The following SDK1 variants were observed in gnomAD, a reference collection of about 807,000 sequenced individuals.
SDK1 encodes the protein protein sidekick-1.
In SDK1, 157 loss-of-function variants were observed where a neutral mutation model predicts 245.5. The observed-to-expected ratio is 0.64, with a 90% confidence interval of 0.56 to 0.73. The LOEUF (loss-of-function observed/expected upper bound fraction) is 0.73. Among genes scored for constraint, SDK1 ranks in the 30% least tolerant of loss-of-function variants. The probability of loss-of-function intolerance (pLI) is 0.00; values close to 1 mark genes in which losing one functional copy is unlikely to be tolerated. For synonymous variants in SDK1, 1,647 were observed against 1,278.5 expected, an observed-to-expected ratio of 1.29 and a Z score of -6.15; for missense variants, 3,583 against 3,002.3, an observed-to-expected ratio of 1.19 and a Z score of -4.52.
intron 4 of SDK1, among the ~76,000 whole-genome samples, chr7:3,708,184 T>C (rs915837555): frequency 1.3e-5 from 2 of 152,098 alleles, no homozygotes; most frequent in Non-Finnish European, 2.9e-5. Context: ...CCACACACTT[T>C]AAAATGACCA....
chr7:4,213,620 C>T (rs1004586261), intron 38 of SDK1, among the ~76,000 whole-genome samples: 1 of 151,932 alleles, frequency 6.6e-6, no homozygotes, highest in African/African-American at 2.4e-5. Context: ...CCAGGCAAGG[C>T]CATTCCATGG....
intron 1 of SDK1, among the ~76,000 whole-genome samples, chr7:3,613,143 C>T (rs940180490): frequency 1.3e-4 from 20 of 152,182 alleles, no homozygotes; most frequent in Admixed American, 2.0e-4. Flanking sequence ...TCAGATGATA[C>T]GACTTAATTT....
intron 1 of SDK1, among the ~76,000 whole-genome samples, chr7:3,306,455 TA>T (rs1167538888): frequency 1.3e-5 from 2 of 152,228 alleles, no homozygotes; most frequent in Non-Finnish European, 1.5e-5. Context: ...AAAATTCTTT[TA>T]TCTGCACTGA....
chr7:3,695,993 C>T (rs186459230), intron 4 of SDK1, among the ~76,000 whole-genome samples: 114 of 152,100 alleles, frequency 7.5e-4, no homozygotes, highest in Admixed American at 3.9e-3. Flanking sequence ...TTTTGCTTTC[C>T]TCCCACCGTT....
At chr7:3,784,079 T>A (rs1040571556) in intron 4 of SDK1, among the ~76,000 whole-genome samples, 2 of 147,160 alleles carry the variant, frequency 1.4e-5, no homozygotes, top group South Asian at 4.2e-4. Context: ...TTCTTTTTTC[T>A]TTTCTTTGTT....
intron 1 of SDK1, among the ~76,000 whole-genome samples, chr7:3,552,284 A>G (rs531375764): frequency 8.6e-5 from 13 of 152,014 alleles, no homozygotes; most frequent in Non-Finnish European, 1.6e-4. Context: ...CTTGTGATCC[A>G]CCCGCCTTGG....
intron 1 of SDK1, among the ~76,000 whole-genome samples, chr7:3,472,614 T>G (rs2128598959): frequency 6.6e-6 from 1 of 152,358 alleles, no homozygotes; most frequent in Admixed American, 6.5e-5. Context: ...TGTCAAGGCC[T>G]GAAATACACA....
At chr7:4,067,813 A>G in intron 19 of SDK1, 25 bp from the exon 20 acceptor site, 1 of 1,580,254 alleles carries the variant, frequency 6.3e-7, no homozygotes, top group Non-Finnish European at 8.7e-7. Flanking sequence ...TTGTGTTAAC[A>G]GATGACTTTG....
intron 3 of SDK1, 96 bp downstream of exon 3, chr7:3,639,206 T>A (rs1782568382): frequency 1.6e-6 from 1 of 628,006 alleles, no homozygotes; most frequent in Non-Finnish European, 2.7e-6. Flanking sequence ...GAACTGAGAG[T>A]TTATCTTTGG....
chr7:3,611,947 G>A (rs1452586921), intron 1 of SDK1, among the ~76,000 whole-genome samples: 1 of 152,142 alleles, frequency 6.6e-6, no homozygotes, highest in South Asian at 2.1e-4. Context: ...GGCATTCACA[G>A]CTACCTGGCT....
chr7:4,175,872 C>T (rs562903137), intron 34 of SDK1, 38 bp downstream of exon 34: 151 of 1,574,854 alleles, frequency 9.6e-5, no homozygotes, highest in Middle Eastern at 5.0e-4. Context: ...TGCCGCGAGG[C>T]GCACACACTG....
intron 5 of SDK1, among the ~76,000 whole-genome samples, chr7:3,918,156 G>A (rs1055423588): frequency 2.6e-5 from 4 of 152,150 alleles, no homozygotes; most frequent in African/African-American, 9.7e-5. Flanking sequence ...GAATCTGGGG[G>A]TAGCATGGGC....
At chr7:3,309,524 A>ATTTTTTTTT (rs59762021) in intron 1 of SDK1, among the ~76,000 whole-genome samples, 3,307 of 127,168 alleles carry the variant, frequency 0.026, 89 homozygotes, top group Non-Finnish European at 0.041. Flanking sequence ...CTAGAAAAAG[A>ATTTTTTTTT]TTTTTTTTTT....
intron 4 of SDK1, among the ~76,000 whole-genome samples, chr7:3,774,535 A>G (rs144339870): frequency 2.9e-4 from 44 of 152,322 alleles, no homozygotes; most frequent in African/African-American, 9.6e-4. Context: ...TTAACTGAAA[A>G]TAACTTCAAT....
chr7:4,144,789 C>T (rs1056992013), intron 28 of SDK1, among the ~76,000 whole-genome samples: 1 of 152,204 alleles, frequency 6.6e-6, no homozygotes, highest in Non-Finnish European at 1.5e-5. Flanking sequence ...AGAGGCAGCA[C>T]TGATGAGACC....
Position 3,301,531 on chromosome 7 carries a change from G to GCCTGT in SDK1, c.-51_-47dup. ...GGCCGCGCCCGCTCGGAGCCGTCCCGCCTGTCCTGCCCGCCCGTCCGTCCG... is the reference window on the plus strand; with the variant it reads ...GGCCGCGCCCGCTCGGAGCCGTCCCGCCTGTCCTGTCCTGCCCGCCCGTCCGTCCG... On this transcript the variant is annotated 5_prime_UTR_variant, in exon 1 of 45. Coordinates refer to ENST00000404826, the MANE Select transcript of SDK1 (RefSeq NM_152744.4). The GCCTGT allele has an allele frequency of 1.6e-6, 1 of 641,576 alleles. No individual in the cohort carries two copies. Among genetic ancestry groups the GCCTGT allele is most frequent in the South Asian group, 6.9e-5 (1 of 14,592 alleles). The allele number at this position is 641,576 out of a possible 1,614,324, so 39.7% of individuals were successfully genotyped here. A position where few individuals can be genotyped will look rare whatever the true frequency, so the allele number is the denominator to read the frequency against.
chr7:3,560,569 T>G (rs1157600462), intron 1 of SDK1, among the ~76,000 whole-genome samples: 1 of 152,196 alleles, frequency 6.6e-6, no homozygotes, highest in African/African-American at 2.4e-5. Flanking sequence ...ATTCCTGCAC[T>G]GGGTTTTTAG....
At chr7:4,079,400 G>A in intron 21 of SDK1, 63 bp from the exon 22 acceptor site, 2 of 1,582,530 alleles carry the variant, frequency 1.3e-6, no homozygotes, top group Non-Finnish European at 1.7e-6. Flanking sequence ...TGACACGTTT[G>A]ATACCTTTCC....
chr7:3,322,706 T>G (rs938014233), intron 1 of SDK1, among the ~76,000 whole-genome samples: 4 of 152,236 alleles, frequency 2.6e-5, no homozygotes, highest in African/African-American at 7.2e-5. Flanking sequence ...TCCTTTGCAG[T>G]GTAATCTCTT....
Sources: allele counts gnomAD v4.1 joint callset (sites outside exome capture counted in the v4.1 genomes callset), GRCh38; gene constraint gnomAD v4.1.1; transcripts MANE v1.5; gene names NCBI Gene and HGNC (gene_info 2026-07-23, HGNC 2026-07-21).